SHANK2: variants seen among roughly 807,000 people sequenced by gnomAD.
The protein encoded by SHANK2 is SH3 and multiple ankyrin repeat domains 2, also known as SH3 and multiple ankyrin repeat domains protein 2.
A neutral mutation model predicts 133.7 loss-of-function variants in SHANK2; 43 were observed. The observed-to-expected ratio is 0.32, with a 90% CI of 0.25 to 0.41. The LOEUF (loss-of-function observed/expected upper bound fraction) is 0.41, where lower values mean the gene tolerates loss of function less well. SHANK2 is among the 10% of genes least tolerant of loss of function. The probability of loss-of-function intolerance (pLI) is 1.00; values close to 1 mark genes in which losing one functional copy is unlikely to be tolerated. For missense variants in SHANK2, 1,994 were observed against 2,235.8 expected, an observed-to-expected ratio of 0.89 and a Z score of 2.18; for synonymous variants, 1,017 against 952.8, an observed-to-expected ratio of 1.07 and a Z score of -1.24.
At position 71,096,634 on chromosome 11, in the gene SHANK2, A is replaced by G. The variant is rs577514495; in HGVS notation, c.593-1946T>C. ...AGACTGGGGCTGTCGGGAGCCACCAATATCGACGCTGAACATTCAAATCTT... is the reference window on the plus strand; with the variant it reads ...AGACTGGGGCTGTCGGGAGCCACCAGTATCGACGCTGAACATTCAAATCTT... On this transcript the variant is annotated intron_variant, in intron 6 of 25. Transcript: ENST00000601538. Among the ~76,000 whole-genome samples, 56 of 152,308 alleles carry G rather than the reference A, an allele frequency of 3.7e-4. No individual in the cohort carries two copies. The South Asian group carries it at 0.011, about 30-fold the overall frequency.
chr11:71,155,565 C>T (rs1291294735), intron 2 of SHANK2, among the ~76,000 whole-genome samples: 1 of 152,144 alleles, frequency 6.6e-6, no homozygotes, highest in African/African-American at 2.4e-5. Context: ...TGAAGCAGAA[C>T]CTGGCAGGGA....
chr11:70,492,259 A>G (rs2058896892), intron 22 of SHANK2, 76 bp downstream of exon 22: 1 of 1,588,666 alleles, frequency 6.3e-7, no homozygotes, highest in Non-Finnish European at 8.5e-7. Context: ...TGTGCACCTC[A>G]GCTACTGAGA....
chr11:71,225,266 C>T (rs1461367181), intron 1 of SHANK2, among the ~76,000 whole-genome samples: 2 of 152,218 alleles, frequency 1.3e-5, no homozygotes. Flanking sequence ...CTCAGCCCCA[C>T]CCACAGCAGC....
chr11:71,074,742 T>A (rs1180597259), intron 9 of SHANK2, among the ~76,000 whole-genome samples: 1 of 152,034 alleles, frequency 6.6e-6, no homozygotes, highest in Non-Finnish European at 1.5e-5. Context: ...TAGTATATTT[T>A]GTTTCTTTTG....
At chr11:70,513,510 C>T (rs2135891041) in intron 17 of SHANK2, among the ~76,000 whole-genome samples, 1 of 152,244 alleles carries the variant, frequency 6.6e-6, no homozygotes, top group South Asian at 2.1e-4. Flanking sequence ...TAATATAATC[C>T]AGAGTTGCCA....
intron 15 of SHANK2, among the ~76,000 whole-genome samples, chr11:70,694,409 C>A (rs1945350640): frequency 6.6e-6 from 1 of 152,184 alleles, no homozygotes; most frequent in African/African-American, 2.4e-5. Context: ...AGGGGAGAAA[C>A]CTCCTGACTG....
intron 11 of SHANK2, among the ~76,000 whole-genome samples, chr11:70,884,242 C>T (rs887029270): frequency 2.0e-5 from 3 of 152,134 alleles, no homozygotes; most frequent in Non-Finnish European, 2.9e-5. Flanking sequence ...GCTTCTCACA[C>T]GTGGTGGGCA....
intron 15 of SHANK2, 198 bp from the exon 16 acceptor site, chr11:70,661,876 G>A: frequency 3.4e-6 from 5 of 1,481,748 alleles, no homozygotes; most frequent in Admixed American, 3.4e-5. Flanking sequence ...GGATAGGCGA[G>A]CGTGGCACAA....
intron 17 of SHANK2, among the ~76,000 whole-genome samples, chr11:70,566,069 G>C (rs1163344703): frequency 4.6e-5 from 7 of 152,200 alleles, no homozygotes; most frequent in Non-Finnish European, 7.3e-5. Context: ...GCAGGCAAGA[G>C]AGAATGGGAG....
chr11:71,210,250 A>G (rs187948567), intron 2 of SHANK2, among the ~76,000 whole-genome samples: 2 of 85,512 alleles, frequency 2.3e-5, no homozygotes, highest in Non-Finnish European at 4.2e-5. Context: ...ATATATATAT[A>G]TATTTATTTA....
intron 17 of SHANK2, among the ~76,000 whole-genome samples, chr11:70,538,291 A>G (rs2059570268): frequency 6.6e-6 from 1 of 152,202 alleles, no homozygotes; most frequent in African/African-American, 2.4e-5. Context: ...TCCTTCCCCC[A>G]GAATTAGCCG....
intron 3 of SHANK2, among the ~76,000 whole-genome samples, chr11:71,119,621 T>C (rs569966634): frequency 2.0e-5 from 3 of 151,968 alleles, no homozygotes; most frequent in Non-Finnish European, 4.4e-5. Context: ...AGTGTCTTTT[T>C]GGTCATCAAT....
At chr11:71,137,299 TAA>T (rs10534209) in intron 3 of SHANK2, among the ~76,000 whole-genome samples, 42,593 of 112,254 alleles carry the variant, frequency 0.38, 8,196 homozygotes, top group Admixed American at 0.47. Flanking sequence ...AATCCTTACT[TAA>T]AAAAAAAAAA....
At chr11:70,526,528 A>G (rs1006732893) in intron 17 of SHANK2, among the ~76,000 whole-genome samples, 1 of 152,164 alleles carries the variant, frequency 6.6e-6, no homozygotes, top group East Asian at 1.9e-4. Flanking sequence ...TGCTCAGCGC[A>G]CACGCGTCAG....
chr11:71,086,298 T>A (rs1951414328), intron 8 of SHANK2, among the ~76,000 whole-genome samples: 1 of 118,494 alleles, frequency 8.4e-6, no homozygotes, highest in South Asian at 2.4e-4. Flanking sequence ...TTATATAAGA[T>A]GTTATATAAG....
intron 17 of SHANK2, among the ~76,000 whole-genome samples, chr11:70,639,852 G>A (rs1018463896): frequency 2.1e-4 from 32 of 152,188 alleles, no homozygotes; most frequent in African/African-American, 7.0e-4. Context: ...CTAAACTCTC[G>A]GCCTCTCAGT....
At chr11:71,200,831 T>TATACAC (rs1954003913) in intron 2 of SHANK2, among the ~76,000 whole-genome samples, 1 of 144,932 alleles carries the variant, frequency 6.9e-6, no homozygotes, top group Non-Finnish European at 1.5e-5. Flanking sequence ...TCTCAATTAA[T>TATACAC]ACACACACAC....
Position 71,113,371 on chromosome 11 carries a change from C to T in SHANK2, c.412-7G>A, listed in dbSNP as rs1352267095. ...CCCGCTTCTTGTATCGAAACTGGCA[C>T]AGAAAACAAAAAAGAGAGAGAAAAC... On this transcript the variant is annotated splice_region_variant and splice_polypyrimidine_tract_variant and intron_variant, in intron 4 of 25. Transcript: ENST00000601538. 1 of 1,551,046 alleles carries T rather than the reference C, an allele frequency of 6.4e-7. No homozygotes were observed.
rs782649751 is a variant in SHANK2 at position 70,661,732 on chromosome 11, C to T, written c.1854-54G>A. Reference sequence around the variant, plus strand: ...CATTATTGTAGCCCGTCATCATCACCGCGGCCGCTCCTCCGCCGGGGACGT... The same window carrying T: ...CATTATTGTAGCCCGTCATCATCACTGCGGCCGCTCCTCCGCCGGGGACGT... On this transcript the variant is annotated intron_variant, in intron 15 of 25. Coordinates refer to ENST00000601538, the MANE Select transcript of SHANK2 (RefSeq NM_012309.5). 1.2e-5 allele frequency: 19 copies of T among 1,614,050 alleles called. 1 individual carries two copies. Among genetic ancestry groups the T allele is most frequent in the South Asian group, 8.8e-5 (8 of 91,088 alleles).
Sources: gnomAD v4.1 joint callset for allele counts (sites outside exome capture counted in the v4.1 genomes callset) on GRCh38, gnomAD v4.1.1 for gene constraint, MANE v1.5 for transcripts, NCBI Gene and HGNC (gene_info 2026-07-23, HGNC 2026-07-21) for gene names.